The following CA10 variants were observed in gnomAD, a reference collection of about 807,000 sequenced individuals.
CA10 encodes the protein carbonic anhydrase 10 (inactive), also known as carbonic anhydrase-related protein 10.
CA10 carries 14 observed loss-of-function variants against 44.2 expected under a neutral mutation model. The observed-to-expected ratio is 0.32, with a 90% CI of 0.21 to 0.50. The LOEUF is 0.50. Ranked by LOEUF, CA10 falls within the 20% of genes least tolerant of loss-of-function variation. The pLI is 0.99. For missense variants in CA10, 350 were observed against 409.7 expected (o/e 0.85, Z 1.26); for synonymous variants, 159 against 141.6 (o/e 1.12, Z -0.87).
intron 1 of CA10, among the ~76,000 whole-genome samples, chr17:52,122,216 A>G (rs1989028841): frequency 1.3e-5 from 2 of 152,254 alleles, no homozygotes; most frequent in African/African-American, 4.8e-5. Flanking sequence ...AAGGTGCATT[A>G]AAAAGCTCAG....
At chr17:51,788,207 C>T (rs1906370305) in intron 3 of CA10, among the ~76,000 whole-genome samples, 1 of 152,158 alleles carries the variant, frequency 6.6e-6, no homozygotes, top group Non-Finnish European at 1.5e-5. Flanking sequence ...TATTGATCCT[C>T]TGGTCATTCA....
At chr17:52,129,734 C>T (rs1989192782) in intron 1 of CA10, among the ~76,000 whole-genome samples, 1 of 152,202 alleles carries the variant, frequency 6.6e-6, no homozygotes, top group South Asian at 2.1e-4. Flanking sequence ...CTTGAGTCCT[C>T]TCTATCATCA....
At chr17:51,998,785 A>G (rs1045792218) in intron 2 of CA10, among the ~76,000 whole-genome samples, 1 of 152,042 alleles carries the variant, frequency 6.6e-6, no homozygotes, top group Non-Finnish European at 1.5e-5. Flanking sequence ...TGATCACAGA[A>G]TAATTCTCAG....
At chr17:52,087,875 A>G (rs1313567627) in intron 1 of CA10, among the ~76,000 whole-genome samples, 2 of 152,204 alleles carry the variant, frequency 1.3e-5, no homozygotes, top group Non-Finnish European at 2.9e-5. Context: ...AGTTAACGGT[A>G]GAAGCCAACA....
At chr17:51,985,581 CTGA>C (rs1984804650) in intron 2 of CA10, among the ~76,000 whole-genome samples, 1 of 151,944 alleles carries the variant, frequency 6.6e-6, no homozygotes, top group Non-Finnish European at 1.5e-5. Context: ...TCACTGTTTG[CTGA>C]TGATATGATT....
intron 4 of CA10, among the ~76,000 whole-genome samples, chr17:51,692,411 CTA>C (rs1915239381): frequency 8.0e-6 from 1 of 125,062 alleles, no homozygotes; most frequent in Non-Finnish European, 1.8e-5. Flanking sequence ...ATCTATCTAT[CTA>C]TCTATCTATC....
intron 3 of CA10, among the ~76,000 whole-genome samples, chr17:51,866,382 G>A (rs1222384409): frequency 6.6e-6 from 1 of 152,168 alleles, no homozygotes; most frequent in Admixed American, 6.6e-5. Context: ...AAACCTCCTT[G>A]CCACTTTGTG....
At chr17:51,886,581 C>T (rs1289384376) in intron 3 of CA10, among the ~76,000 whole-genome samples, 1 of 152,190 alleles carries the variant, frequency 6.6e-6, no homozygotes, top group Non-Finnish European at 1.5e-5. Flanking sequence ...TTATCATGGT[C>T]AGCCATTGTG....
At chr17:51,969,548 AAC>A (rs149031987) in intron 2 of CA10, among the ~76,000 whole-genome samples, 1 of 152,066 alleles carries the variant, frequency 6.6e-6, no homozygotes, top group Non-Finnish European at 1.5e-5. Context: ...CTTAGAGGAG[AAC>A]AGTGTCCCCT....
At chr17:52,145,901 A>T (rs539386912) in intron 1 of CA10, among the ~76,000 whole-genome samples, 12 of 152,288 alleles carry the variant, frequency 7.9e-5, no homozygotes, top group East Asian at 1.9e-4. Context: ...ATTATTTTTA[A>T]AAAAAATTCG....
intron 2 of CA10, among the ~76,000 whole-genome samples, chr17:52,020,456 A>G (rs1986101335): frequency 6.6e-6 from 1 of 151,946 alleles, no homozygotes; most frequent in Admixed American, 6.6e-5. Flanking sequence ...TCTTGCTTCA[A>G]TCTAGGATCA....
chr17:52,062,065 C>CTTTTTTTTTTTT (rs56369087), intron 2 of CA10, among the ~76,000 whole-genome samples: 1 of 115,838 alleles, frequency 8.6e-6, no homozygotes. Context: ...GGTGTGGCCA[C>CTTTTTTTTTTTT]TTTTTTTTTT....
intron 2 of CA10, among the ~76,000 whole-genome samples, chr17:52,014,062 A>G (rs1388135489): frequency 6.6e-6 from 1 of 152,028 alleles, no homozygotes; most frequent in African/African-American, 2.4e-5. Context: ...CAAATATACC[A>G]GTAATCAGGA....
intron 4 of CA10, among the ~76,000 whole-genome samples, chr17:51,726,596 A>G (rs1916530346): frequency 6.6e-6 from 1 of 152,228 alleles, no homozygotes; most frequent in Admixed American, 6.5e-5. Flanking sequence ...TAAAATATAT[A>G]TAAAAAAATC....
At chr17:51,855,102 T>G (rs952318948) in intron 3 of CA10, among the ~76,000 whole-genome samples, 2 of 152,180 alleles carry the variant, frequency 1.3e-5, no homozygotes, top group African/African-American at 4.8e-5. Flanking sequence ...ACCCCGGGTG[T>G]GCCTATGGCT....
intron 4 of CA10, among the ~76,000 whole-genome samples, chr17:51,730,238 A>G (rs1278688377): frequency 1.3e-5 from 2 of 152,230 alleles, no homozygotes; most frequent in African/African-American, 4.8e-5. Flanking sequence ...AATAATTCAC[A>G]CAGTAGGAAC....
chr17:52,140,777 C>G (rs986257183), intron 1 of CA10, among the ~76,000 whole-genome samples: 1 of 152,178 alleles, frequency 6.6e-6, no homozygotes, highest in Non-Finnish European at 1.5e-5. Flanking sequence ...CCCACTCTCT[C>G]TGTGGCCAGC....
intron 4 of CA10, among the ~76,000 whole-genome samples, chr17:51,685,492 T>G (rs1914977181): frequency 6.6e-6 from 1 of 152,154 alleles, no homozygotes; most frequent in African/African-American, 2.4e-5. Flanking sequence ...GTAATGGCCC[T>G]GCAAGAAGGA....
At chr17:52,060,687 C>T (rs1394780569) in intron 2 of CA10, among the ~76,000 whole-genome samples, 1 of 152,184 alleles carries the variant, frequency 6.6e-6, no homozygotes, top group Non-Finnish European at 1.5e-5. Context: ...GTGGATTAAT[C>T]TGGCATATAG....
Sources: allele counts gnomAD v4.1 joint callset (sites outside exome capture counted in the v4.1 genomes callset), GRCh38; gene constraint gnomAD v4.1.1; transcripts MANE v1.5; gene names NCBI Gene and HGNC (gene_info 2026-07-23, HGNC 2026-07-21).